PPARG: variants seen among roughly 807,000 people sequenced by gnomAD.
The protein encoded by PPARG is peroxisome proliferator-activated receptor gamma.
In PPARG, 17 loss-of-function variants were observed where a neutral mutation model predicts 39.2. That is an observed-to-expected ratio of 0.43 (90% CI 0.30 to 0.65). PPARG has a LOEUF of 0.65. Ranked by LOEUF, PPARG falls within the 30% of genes least tolerant of loss-of-function variation. The probability of loss-of-function intolerance (pLI) is 0.13; values close to 1 mark genes in which losing one functional copy is unlikely to be tolerated. For missense variants in PPARG, 406 were observed against 585.9 expected (o/e 0.69, Z 3.17); for synonymous variants, 223 against 215.7 (o/e 1.03, Z -0.30).
intron 5 of PPARG, chr3:12,399,244 C>T (rs2050378457): frequency 1.7e-5 from 7 of 403,154 alleles, no homozygotes; most frequent in Admixed American, 3.0e-5. Flanking sequence ...TGAAAGAAAC[C>T]TAAGAAAATG....
intron 2 of PPARG, among the ~76,000 whole-genome samples, chr3:12,373,127 A>G (rs1440528562): frequency 6.6e-6 from 1 of 152,194 alleles, no homozygotes; most frequent in Non-Finnish European, 1.5e-5. Flanking sequence ...GCTTGGCAGA[A>G]ACAGTAGCTT....
chr3:12,362,294 A>G (rs2048871291), intron 2 of PPARG, among the ~76,000 whole-genome samples: 1 of 152,076 alleles, frequency 6.6e-6, no homozygotes, highest in African/African-American at 2.4e-5. Context: ...AGGTGGGTGG[A>G]TCACTTTGAG....
At chr3:12,329,851 G>A (rs913393028) in intron 2 of PPARG, among the ~76,000 whole-genome samples, 20 of 152,042 alleles carry the variant, frequency 1.3e-4, no homozygotes, top group African/African-American at 4.6e-4. Flanking sequence ...CTATGAATTC[G>A]GATATTCCAG....
chr3:12,374,312 A>C (rs2049328166), intron 2 of PPARG, among the ~76,000 whole-genome samples: 1 of 152,110 alleles, frequency 6.6e-6, no homozygotes, highest in Non-Finnish European at 1.5e-5. Context: ...AAACCCATAG[A>C]ACTTGGCTGG....
chr3:12,288,381 G>C (rs545760273), upstream of PPARG, among the ~76,000 whole-genome samples: 830 of 151,890 alleles, frequency 5.5e-3, 5 homozygotes, highest in African/African-American at 0.019. Context: ...GTGCCGACTC[G>C]AGTGGACGCG....
chr3:12,303,554 C>G (rs1047989101), intron 1 of PPARG, among the ~76,000 whole-genome samples: 4 of 152,158 alleles, frequency 2.6e-5, no homozygotes, highest in African/African-American at 9.7e-5. Context: ...GTGCTAGACA[C>G]TGGGACCAGA....
chr3:12,400,590 G>C (rs1378987247), intron 5 of PPARG, among the ~76,000 whole-genome samples: 1 of 152,190 alleles, frequency 6.6e-6, no homozygotes, highest in African/African-American at 2.4e-5. Context: ...TTTCTCTGTA[G>C]GTGATGAATT....
intron 1 of PPARG, among the ~76,000 whole-genome samples, chr3:12,297,407 TTC>T (rs1042976780): frequency 8.5e-5 from 13 of 152,326 alleles, no homozygotes; most frequent in African/African-American, 2.6e-4. Context: ...TTTTATATTT[TTC>T]TCTCTTTCCC....
intron 2 of PPARG, among the ~76,000 whole-genome samples, chr3:12,334,800 G>A (rs947031483): frequency 1.3e-5 from 2 of 152,140 alleles, no homozygotes; most frequent in African/African-American, 4.8e-5. Context: ...TACTTCAGCT[G>A]TTCACATTAT....
chr3:12,413,681 G>A (rs709153), intron 6 of PPARG, among the ~76,000 whole-genome samples: 42,262 of 151,732 alleles, frequency 0.28, 6,650 homozygotes, highest in East Asian at 0.42. Context: ...ATTGCCGGGC[G>A]TGGTGGTGGG....
chr3:12,319,349 G>A (rs2047475538), intron 2 of PPARG, among the ~76,000 whole-genome samples: 1 of 152,226 alleles, frequency 6.6e-6, no homozygotes, highest in East Asian at 1.9e-4. Context: ...AATAACTTGT[G>A]CAAATCTAAA....
chr3:12,328,861 A>C (rs868088215), intron 2 of PPARG, among the ~76,000 whole-genome samples: 1 of 152,236 alleles, frequency 6.6e-6, no homozygotes, highest in Non-Finnish European at 1.5e-5. Flanking sequence ...CAGTCCCTGG[A>C]TGGCAGTCTG....
chr3:12,429,328 C>T (rs2051569357), intron 7 of PPARG, among the ~76,000 whole-genome samples: 1 of 152,060 alleles, frequency 6.6e-6, no homozygotes, highest in Non-Finnish European at 1.5e-5. Flanking sequence ...AAGCCCTGAT[C>T]AGTTGCATGT....
In PPARG at chr3:12,433,806, T is replaced by C. The variant is rs1036365615; in HGVS notation, c.1181-92T>C. ...AAAACAAACCAAAAATACAGATGAGTTGCTTGGTAGAGCTGCCTAGGCCTC... is the reference window on the plus strand; with the variant it reads ...AAAACAAACCAAAAATACAGATGAGCTGCTTGGTAGAGCTGCCTAGGCCTC... On this transcript the variant is annotated intron_variant, in intron 7 of 7. Coordinates refer to ENST00000651735, the MANE Select transcript of PPARG (RefSeq NM_138711.6). The C allele has an allele frequency of 1.9e-6, 3 of 1,576,960 alleles. No homozygotes were observed. The African/African-American group carries it at 4.0e-5, about 21-fold the overall frequency.
At chr3:12,335,304 G>A (rs911931893) in intron 2 of PPARG, among the ~76,000 whole-genome samples, 4 of 152,152 alleles carry the variant, frequency 2.6e-5, no homozygotes, top group African/African-American at 9.7e-5. Flanking sequence ...CTTCCAAAGT[G>A]TTCAGAATTT....
At chr3:12,405,811 G>A (rs909672464) in intron 5 of PPARG, 71 bp from the exon 6 acceptor site, 4 of 1,497,776 alleles carry the variant, frequency 2.7e-6, no homozygotes, top group Non-Finnish European at 3.7e-6. Flanking sequence ...AACGAGGGCT[G>A]GGAGAGCACA....
intron 5 of PPARG, among the ~76,000 whole-genome samples, chr3:12,397,334 AT>A (rs2050299157): frequency 6.7e-6 from 1 of 150,164 alleles, no homozygotes; most frequent in African/African-American, 2.4e-5. Flanking sequence ...AAAAGGAAAA[AT>A]TCTGAATGGC....
At chr3:12,414,928 C>T (rs1310357026) in intron 6 of PPARG, among the ~76,000 whole-genome samples, 4 of 152,096 alleles carry the variant, frequency 2.6e-5, no homozygotes, top group Admixed American at 1.3e-4. Context: ...GTTGATGTGA[C>T]GTACAAGTTT....
chr3:12,321,698 C>T (rs1430282709), intron 2 of PPARG, among the ~76,000 whole-genome samples: 5 of 152,160 alleles, frequency 3.3e-5, no homozygotes, highest in Non-Finnish European at 7.4e-5. Flanking sequence ...CCTACCTCTT[C>T]GATGTCATCA....
Sources: allele counts gnomAD v4.1 joint callset (sites outside exome capture counted in the v4.1 genomes callset), GRCh38; gene constraint gnomAD v4.1.1; transcripts MANE v1.5; gene names NCBI Gene and HGNC (gene_info 2026-07-23, HGNC 2026-07-21).